The following MGMT variants were observed in gnomAD, a reference collection of about 807,000 sequenced individuals.
The protein encoded by MGMT is methylated-DNA--protein-cysteine methyltransferase.
Under a neutral mutation model 15.9 loss-of-function variants are expected in MGMT, and 14 were observed. The ratio of observed to expected loss-of-function variants is 0.88; its 90% CI spans 0.58 to 1.37. The LOEUF is 1.37. Among genes scored for constraint, MGMT ranks in the 40% most tolerant of loss-of-function variants. MGMT has a pLI of 0.00. For missense variants in MGMT, 282 were observed against 268.1 expected (o/e 1.05, Z -0.36); for synonymous variants, 130 against 118.2 (o/e 1.10, Z -0.65).
At chr10:129,728,463 G>A (rs1005782006) in intron 3 of MGMT, among the ~76,000 whole-genome samples, 3 of 152,146 alleles carry the variant, frequency 2.0e-5, no homozygotes, top group African/African-American at 7.2e-5. Context: ...TTGCCTTGGG[G>A]GAGTTCAGGG....
intron 1 of MGMT, among the ~76,000 whole-genome samples, chr10:129,475,222 G>A (rs1444999759): frequency 6.6e-6 from 1 of 152,046 alleles, no homozygotes; most frequent in African/African-American, 2.4e-5. Context: ...GTGGGGTGGG[G>A]AGCATTGAGG....
At chr10:129,718,663 G>T (rs913329727) in intron 3 of MGMT, among the ~76,000 whole-genome samples, 3 of 152,200 alleles carry the variant, frequency 2.0e-5, no homozygotes, top group African/African-American at 7.2e-5. Context: ...ACCTTCCCGG[G>T]CTGTCAAGAG....
chr10:129,517,879 C>G (rs1386154407), intron 1 of MGMT, among the ~76,000 whole-genome samples: 1 of 152,238 alleles, frequency 6.6e-6, no homozygotes, highest in East Asian at 1.9e-4. Flanking sequence ...CTTTGGGTTT[C>G]CCACAGAAGT....
intron 2 of MGMT, among the ~76,000 whole-genome samples, chr10:129,621,413 G>A (rs554038162): frequency 4.1e-4 from 63 of 152,294 alleles, no homozygotes; most frequent in African/African-American, 1.4e-3. Context: ...ATTTAGAATT[G>A]AAATTGAAAG....
chr10:129,690,220 T>TA (rs1416996444), intron 2 of MGMT, among the ~76,000 whole-genome samples: 4 of 152,228 alleles, frequency 2.6e-5, no homozygotes, highest in Non-Finnish European at 4.4e-5. Context: ...GTTGTAGAAT[T>TA]ATGTCTTTTA....
intron 2 of MGMT, among the ~76,000 whole-genome samples, chr10:129,597,320 G>A (rs80093273): frequency 7.9e-5 from 12 of 152,220 alleles, no homozygotes; most frequent in Admixed American, 6.5e-4. Flanking sequence ...TGGAAAACTC[G>A]GCATCAGTTG....
At chr10:129,685,550 G>A (rs575022337) in intron 2 of MGMT, among the ~76,000 whole-genome samples, 1 of 152,258 alleles carries the variant, frequency 6.6e-6, no homozygotes, top group Non-Finnish European at 1.5e-5. Flanking sequence ...GGGCCCTTTC[G>A]GCTCAGCCCC....
chr10:129,557,150 C>G (rs560319741), intron 2 of MGMT, among the ~76,000 whole-genome samples: 2 of 152,330 alleles, frequency 1.3e-5, no homozygotes, highest in South Asian at 2.1e-4. Flanking sequence ...GCATCTTATC[C>G]TACCAACCAT....
At chr10:129,620,124 G>A (rs1275217327) in intron 2 of MGMT, among the ~76,000 whole-genome samples, 1 of 152,170 alleles carries the variant, frequency 6.6e-6, no homozygotes, top group Admixed American at 6.5e-5. Context: ...TCATTGATAG[G>A]AAACTTTGTT....
At chr10:129,730,802 A>G (rs1198740650) in intron 3 of MGMT, among the ~76,000 whole-genome samples, 1 of 152,200 alleles carries the variant, frequency 6.6e-6, no homozygotes, top group Non-Finnish European at 1.5e-5. Flanking sequence ...TTTGAGCTGA[A>G]TGACAATTAT....
intron 2 of MGMT, among the ~76,000 whole-genome samples, chr10:129,679,997 G>T (rs1210340139): frequency 1.3e-5 from 2 of 152,204 alleles, no homozygotes; most frequent in Non-Finnish European, 1.5e-5. Flanking sequence ...TAGTTTAAGT[G>T]TAGAGGCTGG....
At chr10:129,630,410 A>G (rs989873399) in intron 2 of MGMT, among the ~76,000 whole-genome samples, 1 of 152,202 alleles carries the variant, frequency 6.6e-6, no homozygotes, top group Non-Finnish European at 1.5e-5. Context: ...TCATGGCTGG[A>G]TGTGAGGAAA....
chr10:129,683,767 A>G (rs1259458546), intron 2 of MGMT, among the ~76,000 whole-genome samples: 1 of 152,212 alleles, frequency 6.6e-6, no homozygotes, highest in Non-Finnish European at 1.5e-5. Context: ...CTTGAATGGT[A>G]ATAATCTGCT....
rs2133193700 is a variant in MGMT, at chr10:129,770,262, A to G, written c.*3265A>G. ...AACTTGTTTCCTACAGAACTGTAAGATAAGGATAAAATCCCATCCACCTGA... is the reference window on the plus strand; with the variant it reads ...AACTTGTTTCCTACAGAACTGTAAGGTAAGGATAAAATCCCATCCACCTGA... On this transcript the variant is annotated 3_prime_UTR_variant, in exon 5 of 5. Coordinates refer to ENST00000651593, the MANE Select transcript of MGMT (RefSeq NM_002412.5). 6.6e-6 allele frequency among the ~76,000 whole-genome samples: 1 copy of G among 152,340 alleles called. No individual in the cohort carries two copies. Among genetic ancestry groups the G allele is most frequent in the African/African-American group, 2.4e-5 (1 of 41,576 alleles).
intron 2 of MGMT, among the ~76,000 whole-genome samples, chr10:129,613,884 C>G (rs1021338926): frequency 6.6e-6 from 1 of 152,330 alleles, no homozygotes; most frequent in African/African-American, 2.4e-5. Context: ...ACTGAAAGGG[C>G]CGGTCAGTGC....
intron 1 of MGMT, among the ~76,000 whole-genome samples, chr10:129,470,384 T>C (rs1223608282): frequency 6.6e-6 from 1 of 152,182 alleles, no homozygotes; most frequent in Non-Finnish European, 1.5e-5. Flanking sequence ...CTAGTTTTCT[T>C]TTGACTTAAA....
intron 2 of MGMT, among the ~76,000 whole-genome samples, chr10:129,635,499 G>A (rs1044420043): frequency 2.0e-5 from 3 of 152,182 alleles, no homozygotes; most frequent in African/African-American, 4.8e-5. Flanking sequence ...CTTGAAAAGT[G>A]TGTTCTATTT....
Position 129,705,921 on chromosome 10 carries a change from G to A in MGMT, c.126-1974G>A, listed in dbSNP as rs1589947905. Among the ~76,000 whole-genome samples the A allele has an allele frequency of 2.0e-5, 3 of 152,154 alleles. No homozygotes were observed. In the East Asian group the frequency reaches 5.8e-4, roughly 29 times the overall value. Reference sequence around the variant, plus strand: ...CAACAGCCCCATCCACACAGGGCCGGGCAGACAGGCTGAATCCGCACAGAG... The same window carrying A: ...CAACAGCCCCATCCACACAGGGCCGAGCAGACAGGCTGAATCCGCACAGAG... On this transcript the variant is annotated intron_variant, in intron 2 of 4. Transcript: ENST00000651593.
rs760121029 is a variant in MGMT, at chr10:129,533,323, C to A, written c.-12-2918C>A. On this transcript the variant is annotated intron_variant, in intron 1 of 4. Coordinates refer to ENST00000651593, the MANE Select transcript of MGMT (RefSeq NM_002412.5). The surrounding 1 kb of genome is among the most constrained non-coding windows in gnomAD (Gnocchi z 4.5). ...AATTAGCCCGTGTCAGTTTCTGACA[C>A]CTGCTGTTAAGAGTGCTACCTGATG... Among the ~76,000 whole-genome samples the A allele has an allele frequency of 5.9e-5, 9 of 152,178 alleles. No homozygotes were observed. Among genetic ancestry groups the A allele is most frequent in the African/African-American group, 2.2e-4 (9 of 41,434 alleles).
Sources: allele counts gnomAD v4.1 joint callset (sites outside exome capture counted in the v4.1 genomes callset), GRCh38; gene constraint gnomAD v4.1.1; non-coding constraint Gnocchi (gnomAD v3.1); transcripts MANE v1.5; gene names NCBI Gene and HGNC (gene_info 2026-07-23, HGNC 2026-07-21).